SBF2: variants seen among roughly 807,000 people sequenced by gnomAD.
SBF2 encodes the protein SET binding factor 2.
In SBF2, 112 loss-of-function variants were observed where a neutral mutation model predicts 225.2. The ratio of observed to expected loss-of-function variants is 0.50; its 90% CI spans 0.43 to 0.58. The LOEUF is 0.58. SBF2 is among the 20% of genes least tolerant of loss of function. The pLI is 0.00. For missense variants in SBF2, 1,996 were observed against 2,206.2 expected (o/e 0.90, Z 1.91); for synonymous variants, 763 against 773.3 (o/e 0.99, Z 0.22).
chr11:10,173,253 T>A (rs1956288793), intron 2 of SBF2, among the ~76,000 whole-genome samples: 1 of 152,076 alleles, frequency 6.6e-6, no homozygotes, highest in African/African-American at 2.4e-5. Context: ...AGGTACCGGG[T>A]TCATCTCACT....
intron 2 of SBF2, among the ~76,000 whole-genome samples, chr11:10,099,223 C>G (rs895289695): frequency 9.2e-5 from 14 of 152,090 alleles, no homozygotes; most frequent in Admixed American, 6.6e-5. Context: ...CATTAGAAAA[C>G]TGACTCATCA....
chr11:9,826,388 C>G (rs1461602538), intron 28 of SBF2, among the ~76,000 whole-genome samples: 2 of 151,992 alleles, frequency 1.3e-5, no homozygotes, highest in African/African-American at 4.8e-5. Context: ...TCAGAGTTAA[C>G]TAAAGGCAGG....
intron 2 of SBF2, among the ~76,000 whole-genome samples, chr11:10,182,176 AGGATGTAT>A (rs958163257): frequency 6.6e-6 from 1 of 152,240 alleles, no homozygotes; most frequent in African/African-American, 2.4e-5. Context: ...TACAGTAATT[AGGATGTAT>A]GGATGTATAG....
chr11:9,803,662 TG>T (rs1302231816), intron 32 of SBF2, among the ~76,000 whole-genome samples: 1 of 152,198 alleles, frequency 6.6e-6, no homozygotes, highest in Non-Finnish European at 1.5e-5. Flanking sequence ...TTCTGCAAGT[TG>T]AACATAGAGA....
chr11:10,053,006 C>CATGT (rs1312424362), intron 2 of SBF2, among the ~76,000 whole-genome samples: 2 of 152,018 alleles, frequency 1.3e-5, no homozygotes. Context: ...TGAAGGTATG[C>CATGT]ATGTATGTAT....
chr11:10,228,811 T>A (rs1428106925), intron 1 of SBF2, among the ~76,000 whole-genome samples: 1 of 152,224 alleles, frequency 6.6e-6, no homozygotes, highest in Non-Finnish European at 1.5e-5. Context: ...GGCTTTGGTA[T>A]CAGGATGATG....
chr11:10,247,846 C>A (rs1328745999), intron 1 of SBF2, among the ~76,000 whole-genome samples: 1 of 152,170 alleles, frequency 6.6e-6, no homozygotes, highest in Non-Finnish European at 1.5e-5. Context: ...AAACAAAAAT[C>A]AGGTGAGCCC....
At chr11:9,823,640 G>T (rs1305094314) in intron 28 of SBF2, among the ~76,000 whole-genome samples, 1 of 152,192 alleles carries the variant, frequency 6.6e-6, no homozygotes, top group Non-Finnish European at 1.5e-5. Flanking sequence ...GCATGGGCAT[G>T]TTTATACCTA....
chr11:10,169,625 T>C (rs1488675245), intron 2 of SBF2, among the ~76,000 whole-genome samples: 2 of 152,212 alleles, frequency 1.3e-5, no homozygotes, highest in African/African-American at 2.4e-5. Context: ...TTGTGAATAG[T>C]GTTGCAGTAA....
intron 36 of SBF2, among the ~76,000 whole-genome samples, chr11:9,786,386 T>C (rs1252539831): frequency 3.3e-5 from 5 of 152,184 alleles, no homozygotes; most frequent in Admixed American, 6.5e-5. Flanking sequence ...ATTATTACTT[T>C]CATTATTAGA....
intron 2 of SBF2, among the ~76,000 whole-genome samples, chr11:10,192,879 A>G (rs377179593): frequency 6.6e-6 from 1 of 152,050 alleles, no homozygotes; most frequent in African/African-American, 2.4e-5. Flanking sequence ...ACACACACAC[A>G]CCCCCAGTAA....
At chr11:10,063,264 C>A (rs553586962) in intron 2 of SBF2, among the ~76,000 whole-genome samples, 1 of 151,564 alleles carries the variant, frequency 6.6e-6, no homozygotes, top group East Asian at 1.9e-4. Flanking sequence ...TACAACAAAC[C>A]CCCGACACAT....
intron 32 of SBF2, among the ~76,000 whole-genome samples, chr11:9,804,412 T>C (rs1391016641): frequency 6.6e-6 from 1 of 152,220 alleles, no homozygotes. Flanking sequence ...TTGGACTTAC[T>C]AATTAAAGAT....
At chr11:9,970,378 T>C (rs1554970000) in intron 13 of SBF2, among the ~76,000 whole-genome samples, 1 of 152,084 alleles carries the variant, frequency 6.6e-6, no homozygotes, top group Non-Finnish European at 1.5e-5. Flanking sequence ...GCTAATTTTT[T>C]GTATTTTTAG....
chr11:10,196,860 A>T (rs1378635068), intron 1 of SBF2, among the ~76,000 whole-genome samples: 218 of 13,620 alleles, frequency 0.016, 4 homozygotes, highest in South Asian at 0.037. Context: ...ATATATATAT[A>T]TATATATTTT....
intron 22 of SBF2, among the ~76,000 whole-genome samples, chr11:9,847,703 G>T (rs1856652340): frequency 6.6e-6 from 1 of 152,086 alleles, no homozygotes; most frequent in Non-Finnish European, 1.5e-5. Flanking sequence ...GTTTATTAAA[G>T]CAAACATGGG....
chr11:10,183,402 C>T (rs12278735), intron 2 of SBF2, among the ~76,000 whole-genome samples: 14,490 of 152,084 alleles, frequency 0.095, 944 homozygotes, highest in East Asian at 0.28. Context: ...ACCTTTTCTG[C>T]ATGGTTATAT....
intron 22 of SBF2, 44 bp from the exon 23 acceptor site, chr11:9,847,127 C>T (rs1367079156): frequency 6.2e-7 from 1 of 1,611,464 alleles, no homozygotes; most frequent in Admixed American, 1.7e-5. Context: ...CACTTTATAG[C>T]TCACTTTTAG....
chr11:9,966,064 A>G (rs1866888626), intron 14 of SBF2, among the ~76,000 whole-genome samples: 1 of 152,132 alleles, frequency 6.6e-6, no homozygotes, highest in Non-Finnish European at 1.5e-5. Context: ...GAGTTATTAG[A>G]AAAAAACATA....
Sources: allele counts gnomAD v4.1 joint callset (sites outside exome capture counted in the v4.1 genomes callset), GRCh38; gene constraint gnomAD v4.1.1; transcripts MANE v1.5; gene names NCBI Gene and HGNC (gene_info 2026-07-23, HGNC 2026-07-21).